The following RIN2 variants were observed in gnomAD, a reference collection of about 807,000 sequenced individuals.
RIN2 encodes RAB5 interacting protein 2.
RIN2 carries 36 observed loss-of-function variants against 78.0 expected under a neutral mutation model. That is an observed-to-expected ratio of 0.46 (90% CI 0.35 to 0.61). The LOEUF (loss-of-function observed/expected upper bound fraction) is 0.61. Among genes scored for constraint, RIN2 ranks in the 20% least tolerant of loss-of-function variants. The probability of loss-of-function intolerance (pLI) is 0.00; values close to 1 mark genes in which losing one functional copy is unlikely to be tolerated. For synonymous variants in RIN2, 466 were observed against 466.8 expected (o/e 1.00, Z 0.02); for missense variants, 1,087 against 1,159.7 (o/e 0.94, Z 0.91).
intron 2 of RIN2, chr20:19,889,344 C>T: frequency 8.1e-7 from 1 of 1,240,078 alleles, no homozygotes; most frequent in Non-Finnish European, 1.0e-6. Flanking sequence ...ACGTCAGTGG[C>T]AGAGGTGGGA....
At chr20:19,912,936 G>A (rs1388785474) in intron 3 of RIN2, among the ~76,000 whole-genome samples, 2 of 152,220 alleles carry the variant, frequency 1.3e-5, no homozygotes, top group East Asian at 3.8e-4. Context: ...GGTGCCATGA[G>A]CGTGCGGTGC....
At chr20:19,817,162 A>T (rs1052408959) in intron 2 of RIN2, among the ~76,000 whole-genome samples, 1 of 152,254 alleles carries the variant, frequency 6.6e-6, no homozygotes, top group African/African-American at 2.4e-5. Flanking sequence ...TATTACTTGG[A>T]AGTAAATACC....
intron 2 of RIN2, among the ~76,000 whole-genome samples, chr20:19,850,100 T>G (rs2036913150): frequency 6.6e-6 from 1 of 152,190 alleles, no homozygotes; most frequent in South Asian, 2.1e-4. Context: ...GCCTGGACAC[T>G]CTGCAAAAAT....
intron 3 of RIN2, among the ~76,000 whole-genome samples, chr20:19,908,927 T>C (rs1254330233): frequency 6.6e-6 from 1 of 152,176 alleles, no homozygotes; most frequent in Non-Finnish European, 1.5e-5. Context: ...TGCAATGGCC[T>C]GATCTCAGCT....
chr20:19,934,014 T>G (rs1251697849), intron 3 of RIN2, among the ~76,000 whole-genome samples: 5 of 152,068 alleles, frequency 3.3e-5, no homozygotes, highest in African/African-American at 1.2e-4. Context: ...TTTACCATGT[T>G]GGCCAGGCTG....
chr20:19,842,817 A>G (rs1461519167), intron 2 of RIN2, among the ~76,000 whole-genome samples: 1 of 152,046 alleles, frequency 6.6e-6, no homozygotes, highest in Non-Finnish European at 1.5e-5. Context: ...TGCCATAGGT[A>G]GTGATTCCTC....
intron 2 of RIN2, among the ~76,000 whole-genome samples, chr20:19,837,730 CCTT>C (rs1285047035): frequency 4.5e-5 from 4 of 89,724 alleles, no homozygotes; most frequent in African/African-American, 1.2e-4. Flanking sequence ...ACCTTTTTCT[CCTT>C]GATTCTTTCT....
chr20:19,999,375 G>C (rs1299539867), intron 12 of RIN2, among the ~76,000 whole-genome samples: 3 of 152,162 alleles, frequency 2.0e-5, no homozygotes, highest in African/African-American at 7.2e-5. Context: ...GTCCCCACTG[G>C]AAGCAGATAT....
intron 3 of RIN2, among the ~76,000 whole-genome samples, chr20:19,891,965 A>G (rs2123516990): frequency 6.6e-6 from 1 of 152,328 alleles, no homozygotes; most frequent in Admixed American, 6.5e-5. Flanking sequence ...TAAGAAAATC[A>G]TATTTGTTTT....
chr20:19,917,153 A>C (rs2039719569), intron 3 of RIN2, among the ~76,000 whole-genome samples: 1 of 151,962 alleles, frequency 6.6e-6, no homozygotes, highest in South Asian at 2.1e-4. Flanking sequence ...TACGACTCCA[A>C]ATGGCAAAGC....
chr20:19,955,276 C>T (rs199555), intron 4 of RIN2, among the ~76,000 whole-genome samples: 30,617 of 152,064 alleles, frequency 0.2, 3,421 homozygotes, highest in East Asian at 0.48. Context: ...TTGCAGCATG[C>T]GTCAGTGCCC....
At chr20:19,885,666 G>A (rs6046409) in intron 2 of RIN2, among the ~76,000 whole-genome samples, 76,566 of 149,334 alleles carry the variant, frequency 0.51, 19,536 homozygotes, top group East Asian at 0.56. Context: ...ACCCTGTCTC[G>A]AAAAAGAAAT....
At chr20:19,997,311 C>T (rs2043000415) in intron 12 of RIN2, among the ~76,000 whole-genome samples, 2 of 152,334 alleles carry the variant, frequency 1.3e-5, no homozygotes, top group African/African-American at 2.4e-5. Context: ...CTATGGCAGC[C>T]GTCCACGGCG....
At chr20:19,764,021 G>A (rs1242875310) in intron 1 of RIN2, among the ~76,000 whole-genome samples, 1 of 152,086 alleles carries the variant, frequency 6.6e-6, no homozygotes, top group African/African-American at 2.4e-5. Flanking sequence ...CAAAATTTGA[G>A]TCATTTCAAA....
At chr20:19,830,586 T>G (rs2036222753) in intron 2 of RIN2, among the ~76,000 whole-genome samples, 1 of 152,222 alleles carries the variant, frequency 6.6e-6, no homozygotes, top group Admixed American at 6.5e-5. Context: ...GGACTCTCAA[T>G]GAGGTTGGGC....
At chr20:19,994,405 T>C (rs1163039170) in intron 11 of RIN2, among the ~76,000 whole-genome samples, 1 of 152,224 alleles carries the variant, frequency 6.6e-6, no homozygotes, top group Non-Finnish European at 1.5e-5. Flanking sequence ...TTTCCGCTGT[T>C]TAAGCAGGTA....
intron 2 of RIN2, among the ~76,000 whole-genome samples, chr20:19,818,638 G>A (rs6112593): frequency 2.9e-4 from 44 of 151,652 alleles, no homozygotes; most frequent in African/African-American, 8.7e-4. Context: ...AGGCTGAGGC[G>A]GGAGAATTGC....
chr20:19,809,548 G>T (rs974608166), intron 2 of RIN2: 2 of 152,558 alleles, frequency 1.3e-5, no homozygotes, highest in South Asian at 2.1e-4. Context: ...ATGTCCTGAG[G>T]GGGAGACTGG....
At chr20:19,850,747 T>C (rs190761454) in intron 2 of RIN2, among the ~76,000 whole-genome samples, 421 of 152,240 alleles carry the variant, frequency 2.8e-3, no homozygotes, top group African/African-American at 9.7e-3. Flanking sequence ...GGTGGATCAT[T>C]TGGGGTCAGG....
Sources: allele counts gnomAD v4.1 joint callset (sites outside exome capture counted in the v4.1 genomes callset), GRCh38; gene constraint gnomAD v4.1.1; transcripts MANE v1.5; gene names NCBI Gene and HGNC (gene_info 2026-07-23, HGNC 2026-07-21).